Variants in NRXN2 observed in about 807,000 individuals in gnomAD.
NRXN2 encodes the protein neurexin-2-beta.
Under a neutral mutation model 128.8 loss-of-function variants are expected in NRXN2, and 29 were observed. The ratio of observed to expected loss-of-function variants is 0.23; its 90% CI spans 0.17 to 0.31. The LOEUF (loss-of-function observed/expected upper bound fraction) is 0.31. NRXN2 is among the 10% of genes least tolerant of loss of function. The pLI, the probability that NRXN2 is intolerant of heterozygous loss-of-function variation, is 1.00. For missense variants in NRXN2, 1,881 were observed against 2,452.6 expected, an observed-to-expected ratio of 0.77 and a Z score of 4.92; for synonymous variants, 1,098 against 1,075.2, an observed-to-expected ratio of 1.02 and a Z score of -0.41.
rs543323792 is a variant in NRXN2, at chr11:64,666,093, G to A, written c.1798+1157C>T. Among the ~76,000 whole-genome samples, 3 of 152,288 alleles carry A rather than the reference G, an allele frequency of 2.0e-5. No homozygotes were observed. In the South Asian group the frequency reaches 6.2e-4, roughly 32 times the overall value. The stretch of plus-strand genomic sequence containing the variant: ...GGTCTCCCACCCCACACCAGAACAG[G>A]GGTTCTGTGACAGCCAAGATCGTCT... On this transcript the variant is annotated intron_variant, in intron 9 of 22. Coordinates refer to ENST00000265459, the MANE Select transcript of NRXN2 (RefSeq NM_015080.4).
intron 7 of NRXN2, among the ~76,000 whole-genome samples, chr11:64,672,084 G>T (rs750325488): frequency 1.3e-5 from 2 of 152,210 alleles, no homozygotes; most frequent in Non-Finnish European, 2.9e-5. Flanking sequence ...TTCTGCCCTG[G>T]AAGAGTTGTG....
At chr11:64,643,043 A>T (rs1302054504) in intron 17 of NRXN2, 1 of 997,542 alleles carries the variant, frequency 1.0e-6, no homozygotes, top group East Asian at 1.1e-4. Flanking sequence ...CATCGCGAGG[A>T]GCTAGGGGTC....
At chr11:64,689,337 T>C (rs2053519349) in intron 5 of NRXN2, among the ~76,000 whole-genome samples, 1 of 152,024 alleles carries the variant, frequency 6.6e-6, no homozygotes, top group South Asian at 2.1e-4. Context: ...CTCATAGTGC[T>C]GGGATTACAG....
chr11:64,682,068 T>C (rs1170052919), intron 6 of NRXN2, among the ~76,000 whole-genome samples: 1 of 152,068 alleles, frequency 6.6e-6, no homozygotes, highest in Non-Finnish European at 1.5e-5. Context: ...GCTACACTCT[T>C]GCTGGACTCC....
In NRXN2 at chr11:64,685,247, C is replaced by G. The variant is rs114914038; in HGVS notation, c.1152+399G>C. Among the ~76,000 whole-genome samples, 390 of 152,278 alleles carry G rather than the reference C, an allele frequency of 2.6e-3. 1 individual carries two copies. Among genetic ancestry groups the G allele is most frequent in the African/African-American group, 8.9e-3 (369 of 41,552 alleles). On this transcript the variant is annotated intron_variant, in intron 6 of 22. Coordinates refer to ENST00000265459, the MANE Select transcript of NRXN2 (RefSeq NM_015080.4). ...AAAGCCTGCCCACTCCACAGGAACCCCTCCCCACCCCCTGGCACCCAGGAG... is the reference window on the plus strand; with the variant it reads ...AAAGCCTGCCCACTCCACAGGAACCGCTCCCCACCCCCTGGCACCCAGGAG...
chr11:64,644,697 G>A (rs969934731), intron 17 of NRXN2, among the ~76,000 whole-genome samples: 4 of 152,028 alleles, frequency 2.6e-5, no homozygotes, highest in African/African-American at 9.7e-5. Flanking sequence ...GAGAGAGGTG[G>A]AGAGGGCACC....
chr11:64,699,934 C>A (rs1305444137), intron 2 of NRXN2, among the ~76,000 whole-genome samples: 3 of 152,168 alleles, frequency 2.0e-5, no homozygotes, highest in African/African-American at 7.2e-5. Flanking sequence ...GTAGGTATTT[C>A]AAAAAGTATT....
chr11:64,614,632 G>GGCCT (rs1200754316), intron 22 of NRXN2, among the ~76,000 whole-genome samples: 3 of 152,250 alleles, frequency 2.0e-5, no homozygotes, highest in Admixed American at 1.3e-4. Flanking sequence ...CAGAGAGCCT[G>GGCCT]GCCTGCCTGC....
chr11:64,673,032 T>C (rs1275943178), intron 7 of NRXN2, among the ~76,000 whole-genome samples: 2 of 152,110 alleles, frequency 1.3e-5, no homozygotes, highest in Non-Finnish European at 2.9e-5. Flanking sequence ...TCCCATTTCT[T>C]CCAGGCTTAC....
intron 4 of NRXN2, among the ~76,000 whole-genome samples, chr11:64,691,983 A>G (rs2053864192): frequency 6.6e-6 from 1 of 152,206 alleles, no homozygotes; most frequent in African/African-American, 2.4e-5. Flanking sequence ...CTGAGCTCAG[A>G]GAGAATCAGT....
rs776514104 is a variant in NRXN2 at position 64,620,360 on chromosome 11, G to A, written c.4186C>T (p.Leu1396=). 4 of 1,553,428 alleles carry A rather than the reference G, an allele frequency of 2.6e-6. No homozygotes were observed. In the East Asian group the frequency reaches 9.7e-5, roughly 38 times the overall value. The change falls in exon 22 of 23, where the codon CTG becomes TTG. Residue 1396 remains leucine (L), a synonymous_variant. Coordinates refer to ENST00000265459, the MANE Select transcript of NRXN2 (RefSeq NM_015080.4). ...GGACACTCAGCAGAGGCCACCAGCA[G>A]GTCATCTGTGTTCTGAGGGGCGAGA... ...RDSTTQNTDD[L]LVASAECPSD...
intron 22 of NRXN2, among the ~76,000 whole-genome samples, chr11:64,615,832 GT>G: frequency 1.9e-4 from 1 of 5,368 alleles, no homozygotes; most frequent in Non-Finnish European, 6.3e-4. Flanking sequence ...GCCCAAGCGT[GT>G]GTGTGTGTGT....
chr11:64,643,232 T>C, intron 17 of NRXN2: 1 of 967,018 alleles, frequency 1.0e-6, no homozygotes, highest in Non-Finnish European at 1.2e-6. Flanking sequence ...CGGTGCGGGC[T>C]GGAGGAGAGA....
At position 64,713,146 on chromosome 11, in the gene NRXN2, C is replaced by T; in HGVS notation, c.554G>A (p.Gly185Asp). 6.9e-7 allele frequency: 1 copy of T among 1,441,312 alleles called. No individual in the cohort carries two copies. The highest frequency in any genetic ancestry group is 1.4e-5 in the South Asian group (1 of 74,010). The allele number at this position is 1,441,312 out of a possible 1,614,324, so 89.3% of individuals were successfully genotyped here. ...FRGLLANLKL[G>D]ERPPALLGSQ... Reference sequence around the variant, plus strand: ...GCCCAGCAGCGCGGGGGGCCGCTCGCCCAGCTTCAGGTTGGCCAAGAGGCC... The same window carrying T: ...GCCCAGCAGCGCGGGGGGCCGCTCGTCCAGCTTCAGGTTGGCCAAGAGGCC... Residue 185 changes from glycine to aspartate, a missense_variant, in exon 2 of 23, where the codon GGC becomes GAC. Transcript: ENST00000265459.
intron 17 of NRXN2, chr11:64,643,258 T>C: frequency 2.1e-6 from 2 of 970,246 alleles, no homozygotes; most frequent in Non-Finnish European, 2.4e-6. Context: ...GACGGAGACC[T>C]GGTTCCCCCG....
chr11:64,640,690 G>A (rs1047165112), intron 17 of NRXN2, among the ~76,000 whole-genome samples: 2 of 152,118 alleles, frequency 1.3e-5, no homozygotes, highest in Non-Finnish European at 2.9e-5. Context: ...AACTGTATTC[G>A]GGATGAGAGA....
Position 64,651,439 on chromosome 11 carries a change from G to A in NRXN2, c.2734C>T (p.Leu912=). The A allele has an allele frequency of 1.2e-6, 2 of 1,614,202 alleles. No homozygotes were observed. Among genetic ancestry groups the A allele is most frequent in the Non-Finnish European group, 8.5e-7 (1 of 1,180,028 alleles). The change falls in exon 14 of 23, where the codon CTG becomes TTG. Residue 912 remains leucine (L), a synonymous_variant. Transcript: ENST00000265459. The surrounding 1 kb of genome is among the most constrained non-coding windows in gnomAD (Gnocchi z 5.9). ...ACGGGATCGGCCACGATGGCACGCAGGCCAAAGCGAGCATTGAGCTCACAG... is the reference window on the plus strand; with the variant it reads ...ACGGGATCGGCCACGATGGCACGCAAGCCAAAGCGAGCATTGAGCTCACAG... ...TYCELNARFG[L]RAIVADPVTF... is the part of the protein sequence containing the mutation.
At chr11:64,711,560 C>G (rs556414532) in intron 2 of NRXN2, among the ~76,000 whole-genome samples, 40 of 152,214 alleles carry the variant, frequency 2.6e-4, no homozygotes, top group African/African-American at 9.4e-4. Flanking sequence ...CACCACTTCA[C>G]GGTCTTGGCC....
At chr11:64,686,542 C>T (rs1042347603) in intron 5 of NRXN2, among the ~76,000 whole-genome samples, 1 of 152,144 alleles carries the variant, frequency 6.6e-6, no homozygotes, top group African/African-American at 2.4e-5. Flanking sequence ...TGGGGAGGGC[C>T]AGGAAGACAC....
Sources: allele counts gnomAD v4.1 joint callset (sites outside exome capture counted in the v4.1 genomes callset), GRCh38; gene constraint gnomAD v4.1.1; non-coding constraint Gnocchi (gnomAD v3.1); transcripts MANE v1.5; gene names NCBI Gene and HGNC (gene_info 2026-07-23, HGNC 2026-07-21).